The following PRH1 variants were observed in gnomAD, a reference collection of about 807,000 sequenced individuals.
PRH1 encodes the protein salivary acidic proline-rich phosphoprotein 1/2.
A neutral mutation model predicts 7.9 loss-of-function variants in PRH1; 7 were observed. That is an observed-to-expected ratio of 0.89 (90% CI 0.50 to 1.67). PRH1 has a LOEUF of 1.67. PRH1 is among the 40% of genes most tolerant of loss of function. The probability of loss-of-function intolerance (pLI) is 0.00; values close to 1 mark genes in which losing one functional copy is unlikely to be tolerated. For synonymous variants in PRH1, 45 were observed against 80.8 expected (o/e 0.56, Z 2.38); for missense variants, 109 against 223.6 (o/e 0.49, Z 3.27).
At chr12:10,940,301 A>T (rs1342593277) in intron 2 of PRH1, among the ~76,000 whole-genome samples, 1 of 152,174 alleles carries the variant, frequency 6.6e-6, no homozygotes, top group East Asian at 1.9e-4. Flanking sequence ...CAGGCTTTTT[A>T]CTTTCAGCAT....
chr12:11,156,765 T>A (rs997676305), intron 1 of PRH1, among the ~76,000 whole-genome samples: 10 of 152,148 alleles, frequency 6.6e-5, no homozygotes, highest in South Asian at 2.1e-4. Flanking sequence ...AAAGATTTTT[T>A]AAAAACTTTT....
chr12:11,061,907 G>C, intron 1 of PRH1: 1 of 1,613,928 alleles, frequency 6.2e-7, no homozygotes, highest in South Asian at 1.1e-5. Flanking sequence ...AGTATCACCA[G>C]AACAACACTC....
intron 1 of PRH1, among the ~76,000 whole-genome samples, chr12:11,056,675 A>C (rs908587287): frequency 1.3e-5 from 2 of 152,084 alleles, no homozygotes; most frequent in African/African-American, 2.4e-5. Context: ...AAAATTAGCC[A>C]GGTGTGGTGG....
chr12:11,106,197 C>G (rs1404467303), intron 1 of PRH1, among the ~76,000 whole-genome samples: 3 of 46,814 alleles, frequency 6.4e-5, no homozygotes, highest in Admixed American at 2.1e-4. Flanking sequence ...GCCTCGGCCT[C>G]CCAAAGTGCT....
chr12:10,950,937 T>C (rs1167420498), intron 2 of PRH1, among the ~76,000 whole-genome samples: 1 of 152,162 alleles, frequency 6.6e-6, no homozygotes, highest in Non-Finnish European at 1.5e-5. Context: ...CTGGTCATGA[T>C]CCCCTTTAAG....
intron 1 of PRH1, among the ~76,000 whole-genome samples, chr12:11,163,334 TTAAAA>T (rs1206745644): frequency 2.0e-5 from 3 of 151,366 alleles, no homozygotes; most frequent in East Asian, 2.0e-4. Context: ...TCACTAAAAA[TTAAAA>T]TAAAGGAATA....
chr12:11,016,526 A>G (rs1035696800), intron 1 of PRH1, among the ~76,000 whole-genome samples: 1 of 152,160 alleles, frequency 6.6e-6, no homozygotes, highest in Non-Finnish European at 1.5e-5. Flanking sequence ...GTTTTTGTAC[A>G]GACAGGCTGT....
intron 2 of PRH1, among the ~76,000 whole-genome samples, chr12:10,923,990 GTTTTTTT>G: frequency 1.1e-5 from 1 of 89,490 alleles, no homozygotes; most frequent in Non-Finnish European, 1.9e-5. Context: ...TTCTCCATCT[GTTTTTTT>G]TTTTTTTTTT....
chr12:11,018,645 C>A (rs1318022664), intron 1 of PRH1, among the ~76,000 whole-genome samples: 1 of 151,978 alleles, frequency 6.6e-6, no homozygotes, highest in Non-Finnish European at 1.5e-5. Flanking sequence ...AAGCATCCTG[C>A]CTTCCAACGT....
At chr12:10,976,063 C>A (rs540242869) in intron 1 of PRH1, among the ~76,000 whole-genome samples, 4 of 152,158 alleles carry the variant, frequency 2.6e-5, no homozygotes, top group African/African-American at 9.6e-5. Context: ...AACACTTGAC[C>A]AAACGAACCT....
At chr12:10,927,396 C>T (rs1950137842) in intron 2 of PRH1, among the ~76,000 whole-genome samples, 1 of 152,116 alleles carries the variant, frequency 6.6e-6, no homozygotes, top group Non-Finnish European at 1.5e-5. Flanking sequence ...TCCCAGTAAC[C>T]CACTGGGAGC....
intron 2 of PRH1, among the ~76,000 whole-genome samples, chr12:10,922,825 C>CTTTTTTTTTTTT (rs139253542): frequency 0.02 from 2,247 of 113,428 alleles, 782 homozygotes; most frequent in South Asian, 0.045. Flanking sequence ...TGAATTTTTT[C>CTTTTTTTTTTTT]TTTTTCTTTT....
chr12:10,959,188 G>T lies in PRH1; in HGVS notation c.-59+14467C>A, dbSNP rs185743698. ...CCATTTTTTTTTAGTCTAAGCATCT[G>T]AAAGTCTGAAGTGGTCATTAGCAGA... On this transcript the variant is annotated intron_variant, in intron 2 of 3. Coordinates refer to the PRH1 transcript ENST00000539853. 1.3e-3 allele frequency among the ~76,000 whole-genome samples: 198 copies of T among 152,226 alleles called. 2 individuals are homozygous for T. Among genetic ancestry groups the T allele is most frequent in the Non-Finnish European group, 2.3e-3 (158 of 68,006 alleles).
chr12:10,938,428 A>G (rs774246752), intron 2 of PRH1: 1 of 1,614,000 alleles, frequency 6.2e-7, no homozygotes, highest in African/African-American at 1.3e-5. Flanking sequence ...GAATAATTAG[A>G]TTTTCCTCCA....
chr12:11,069,940 C>A (rs73262718), intron 1 of PRH1, among the ~76,000 whole-genome samples: 1 of 151,318 alleles, frequency 6.6e-6, no homozygotes, highest in Non-Finnish European at 1.5e-5. Context: ...CAAAGACCTG[C>A]AGCCATTTCC....
At chr12:11,006,233 G>A (rs1940824658) in intron 1 of PRH1, 1 of 138,390 alleles carries the variant, frequency 7.2e-6, no homozygotes, top group Non-Finnish European at 1.6e-5. Flanking sequence ...TGAGGAGTTA[G>A]TATAGCATTT....
intron 1 of PRH1, among the ~76,000 whole-genome samples, chr12:10,974,198 T>C (rs969330443): frequency 3.3e-5 from 5 of 152,216 alleles, no homozygotes; most frequent in African/African-American, 1.2e-4. Context: ...AATATTCTCA[T>C]GCATAAAGAT....
chr12:10,892,372 T>A (rs4763221), intron 2 of PRH1, among the ~76,000 whole-genome samples: 75,544 of 151,864 alleles, frequency 0.5, 20,976 homozygotes, highest in East Asian at 0.72. Flanking sequence ...GTAACTTTTT[T>A]AAAAAATGTT....
At chr12:11,150,190 G>C (rs1461592595) in intron 1 of PRH1, among the ~76,000 whole-genome samples, 2 of 151,248 alleles carry the variant, frequency 1.3e-5, no homozygotes, top group Non-Finnish European at 3.0e-5. Flanking sequence ...GAGAGGATGT[G>C]GAGAAATAGG....
Sources: allele counts gnomAD v4.1 joint callset (sites outside exome capture counted in the v4.1 genomes callset), GRCh38; gene constraint gnomAD v4.1.1; transcripts MANE v1.5; gene names NCBI Gene and HGNC (gene_info 2026-07-23, HGNC 2026-07-21).